TTN: variants seen among roughly 807,000 people sequenced by gnomAD.
TTN encodes the protein connectin.
A neutral mutation model predicts 3,223.0 loss-of-function variants in TTN; 1,525 were observed. The observed-to-expected ratio is 0.47, with a 90% CI of 0.45 to 0.49. TTN has a LOEUF of 0.49. Among genes scored for constraint, TTN ranks in the 20% least tolerant of loss-of-function variants. TTN has a pLI of 0.00. For synonymous variants in TTN, 14,094 were observed against 15,161.0 expected, an observed-to-expected ratio of 0.93 and a Z score of 5.17; for missense variants, 40,786 against 43,424.0, an observed-to-expected ratio of 0.94 and a Z score of 5.40.
At chr2:178,713,805 C>T (rs1454022191) in intron 92 of TTN, 92 bp downstream of exon 92, 4 of 1,459,852 alleles carry the variant, frequency 2.7e-6, no homozygotes, top group Non-Finnish European at 3.7e-6. Flanking sequence ...CTCATGTTAT[C>T]CTATAGAAGA....
intron 70 of TTN, 50 bp downstream of exon 70, chr2:178,725,717 AG>A: frequency 1.3e-6 from 2 of 1,548,840 alleles, no homozygotes; most frequent in Non-Finnish European, 1.7e-6. Context: ...TGAAAAAAGT[AG>A]GATTTTGCAC....
In TTN at chr2:178,570,731, T is replaced by C. The variant is rs746343685; in HGVS notation, c.75401A>G (p.Asp25134Gly). ...GGTTGGTATTGGTTTGCCATAAATA[T>C]CTGCATCAACCTTGAATGATTCACC... ...HAGESFKVDA[D>G]IYGKPIPTIQ... The change falls in exon 326 of 363, where the codon GAT becomes GGT. Residue 25134 changes from aspartate to glycine, a missense_variant. Asp to Gly is a moderately conservative substitution (Grantham distance 94, BLOSUM62 -1). Transcript: ENST00000589042. 1.2e-6 allele frequency: 2 copies of C among 1,613,478 alleles called. No individual in the cohort carries two copies. The highest frequency in any genetic ancestry group is 1.7e-6 in the Non-Finnish European group (2 of 1,179,628).
chr2:178,640,557 A>T lies in TTN; in HGVS notation c.40707T>A (p.Ile13569=). 1 of 1,603,466 alleles carries T rather than the reference A, an allele frequency of 6.2e-7. No individual in the cohort carries two copies. The change falls in exon 221 of 363, where the codon ATT becomes ATA. Residue 13569 remains isoleucine, a synonymous_variant. Transcript: ENST00000589042. The stretch of plus-strand genomic sequence containing the variant: ...GATTTGTACCTTTTGTTGGTTCAGG[A>T]ATCTTCCTTTCCCTTTTTGTAACAG... The part of the protein sequence containing the change: ...VPTVTKRERK[I]PEPTKVPEIK...
rs1282203680 is a variant in TTN, at chr2:178,741,272, A to AATG, written c.11958_11960dup (p.Ile3987dup). 6.2e-7 allele frequency: 1 copy of AATG among 1,613,870 alleles called. No individual in the cohort carries two copies. Among genetic ancestry groups the AATG allele is most frequent in the Admixed American group, 1.7e-5 (1 of 59,994 alleles). ...AAGTTCCAGAGCCATTAGGGTTATG[A>AATG]ATGATAGTGTAATAAACACTGGTGC... On this transcript the variant is annotated inframe_insertion, in exon 48 of 363. Transcript: ENST00000589042.
Position 178,704,937 on chromosome 2 carries a change from C to T in TTN, c.29634G>A (p.Arg9878=), listed in dbSNP as rs2154291420. 4 of 1,612,764 alleles carry T rather than the reference C, an allele frequency of 2.5e-6. No individual in the cohort carries two copies. Among genetic ancestry groups the T allele is most frequent in the Non-Finnish European group, 3.4e-6 (4 of 1,179,746 alleles). The change falls in exon 104 of 363, where the codon AGG becomes AGA. Residue 9878 remains arginine (R), a synonymous_variant. Coordinates refer to ENST00000589042, the MANE Select transcript of TTN (RefSeq NM_001267550.2). ...CAAGTTCCTCAAATTCCTTTTCGTC[C>T]CTCTCTGACCTCTCTATTTCCTCAA... is the stretch of plus-strand genomic sequence containing the variant. The part of the protein sequence containing the change: ...LEIEEIERSE[R]DEKEFEELVS...
At chr2:178,790,978 G>T in intron 10 of TTN, 133 bp from the exon 11 acceptor site, 1 of 1,118,118 alleles carries the variant, frequency 8.9e-7, no homozygotes, top group South Asian at 1.4e-5. Flanking sequence ...CATTTCAGGG[G>T]CCTACACTTG....
rs556000493 is a variant in TTN, at chr2:178,773,206, T to C, written c.7758A>G (p.Ile2586Met). The change falls in exon 33 of 363, where the codon ATA becomes ATG. Residue 2586 changes from isoleucine (I) to methionine (M), a missense_variant. Ile to Met is a conservative substitution (Grantham distance 10). Coordinates refer to ENST00000589042, the MANE Select transcript of TTN (RefSeq NM_001267550.2). ...TCATATTTAGAACTGTCAATTTATA[T>C]ATTTTTCCATGTGCTTCAATTTTAT... is the stretch of plus-strand genomic sequence containing the variant. ...SKYKIEAHGK[I>M]YKLTVLNMMK... 1.3e-4 allele frequency: 202 copies of C among 1,613,814 alleles called. No individual in the cohort carries two copies. In the South Asian group the frequency reaches 2.0e-3, roughly 16 times the overall value.
chr2:178,744,874 T>A (rs928527167), intron 47 of TTN: 1 of 985,092 alleles, frequency 1.0e-6, no homozygotes, highest in African/African-American at 1.7e-5. Flanking sequence ...TCTATTTGCT[T>A]ATTTTGCAAA....
At chr2:178,641,434 C>A (rs2061221315) in intron 219 of TTN, 119 bp from the exon 220 acceptor site, 1 of 589,616 alleles carries the variant, frequency 1.7e-6, no homozygotes, top group Non-Finnish European at 2.9e-6. Context: ...TGCTACCTAG[C>A]ACTCTGGAAA....
chr2:178,690,548 A>G (rs1178974874), intron 121 of TTN, among the ~76,000 whole-genome samples: 1 of 152,142 alleles, frequency 6.6e-6, no homozygotes, highest in East Asian at 1.9e-4. Flanking sequence ...AGGGTTTTCA[A>G]CCTAAAAAAT....
intron 47 of TTN, chr2:178,749,988 G>A: frequency 1.2e-6 from 2 of 1,613,162 alleles, no homozygotes; most frequent in South Asian, 1.1e-5. Context: ...TGAGTAACTT[G>A]ATCTTGAGGC....
rs769798880 is a variant in TTN at position 178,776,784 on chromosome 2, G to A, written c.5080C>T (p.Leu1694Phe). The change falls in exon 28 of 363, where the codon CTC becomes TTC. Residue 1694 changes from leucine to phenylalanine, a missense_variant. By Grantham distance (22) the Leu-to-Phe change is conservative. Coordinates refer to ENST00000589042, the MANE Select transcript of TTN (RefSeq NM_001267550.2). ...YGQEQWEEGDLYDKEKQQKPF... is the reference protein window; with the variant it reads ...YGQEQWEEGDFYDKEKQQKPF... ...TTCTGTTGTTTCTCTTTGTCATAGAGATCACCTTCTTCCCATTGCTCTTGG... is the reference window on the plus strand; with the variant it reads ...TTCTGTTGTTTCTCTTTGTCATAGAAATCACCTTCTTCCCATTGCTCTTGG... The A allele has an allele frequency of 1.7e-5, 28 of 1,614,000 alleles. No individual in the cohort carries two copies. The highest frequency in any genetic ancestry group is 2.3e-5 in the Non-Finnish European group (27 of 1,180,014).
In TTN at chr2:178,804,545, A is replaced by T. The variant is rs759229371; in HGVS notation, c.91+7T>A. ...AAAAAAACAAAAGTGTGAATGTGTG[A>T]GCTTACCACTAATGTGAGCCTCAAA... On this transcript the variant is annotated splice_region_variant and intron_variant, in intron 2 of 362. Coordinates refer to ENST00000589042, the MANE Select transcript of TTN (RefSeq NM_001267550.2). 6.2e-7 allele frequency: 1 copy of T among 1,613,668 alleles called. No homozygotes were observed.
At chr2:178,586,945 A>G (rs2049130912) in intron 307 of TTN, 138 bp from the exon 308 acceptor site, 1 of 1,357,314 alleles carries the variant, frequency 7.4e-7, no homozygotes, top group Non-Finnish European at 1.0e-6. Context: ...AGCAAAACAT[A>G]TAAGATGAGA....
rs376015894 is a variant in TTN, at chr2:178,795,068, A to G, written c.1099T>C (p.Ser367Pro). Residue 367 changes from serine to proline, a missense_variant, in exon 7 of 363, where the codon TCT (serine) becomes CCT (proline). Ser to Pro is a moderately conservative substitution (Grantham distance 74, BLOSUM62 -1). Coordinates refer to ENST00000589042, the MANE Select transcript of TTN (RefSeq NM_001267550.2). Reference protein sequence around the residue: ...AEMRETTLTTSTQIRTEERWE... With the variant: ...AEMRETTLTTPTQIRTEERWE... ...CTCTCTTCTGTCCTGATCTGAGTAG[A>G]GGTTGTCAGCGTTGTCTCTCTCATC... 30 of 1,613,892 alleles carry G rather than the reference A, an allele frequency of 1.9e-5. No individual in the cohort carries two copies. Among genetic ancestry groups the G allele is most frequent in the South Asian group, 6.6e-5 (6 of 91,084 alleles).
rs1417172594 is a variant in TTN at position 178,734,415 on chromosome 2, A to G, written c.15409T>C (p.Phe5137Leu). The G allele has an allele frequency of 1.2e-6, 2 of 1,613,614 alleles. No individual in the cohort carries two copies. The highest frequency in any genetic ancestry group is 2.7e-5 in the African/African-American group (2 of 74,902). ...KSLVCLEIFS[F>L]NSADVGEYEC... Reference sequence around the variant, plus strand: ...TATTCACCAACATCTGCACTATTAAACGAAAAGATCTCCAGACACACAAGA... The same window carrying G: ...TATTCACCAACATCTGCACTATTAAGCGAAAAGATCTCCAGACACACAAGA... Residue 5137 changes from phenylalanine to leucine, a missense_variant, in exon 52 of 363, where the codon TTT becomes CTT. Physicochemically the swap from Phe to Leu is conservative, Grantham distance 22. Coordinates refer to ENST00000589042, the MANE Select transcript of TTN (RefSeq NM_001267550.2).
In TTN at chr2:178,565,817, A is replaced by G; in HGVS notation, c.80315T>C (p.Val26772Ala). 2 of 1,613,640 alleles carry G rather than the reference A, an allele frequency of 1.2e-6. No homozygotes were observed. The highest frequency in any genetic ancestry group is 1.7e-6 in the Non-Finnish European group (2 of 1,179,656). ...EFGVGVPVET[V>A]DAVKAAEPPS... is the part of the protein sequence containing the mutation. Reference sequence around the variant, plus strand: ...AGGTTCAGCAGCTTTCACGGCATCAACAGTTTCCACTGGAACACCAACTCC... The same window carrying G: ...AGGTTCAGCAGCTTTCACGGCATCAGCAGTTTCCACTGGAACACCAACTCC... The change falls in exon 326 of 363, where the codon GTT becomes GCT. Residue 26772 changes from valine (V) to alanine (A), a missense_variant. Physicochemically the swap from Val to Ala is moderately conservative, Grantham distance 64. Coordinates refer to ENST00000589042, the MANE Select transcript of TTN (RefSeq NM_001267550.2).
At position 178,794,555 on chromosome 2, in the gene TTN, G is replaced by A. The variant is rs1411480642; in HGVS notation, c.1246-4C>T. The A allele has an allele frequency of 2.2e-5, 35 of 1,614,016 alleles. No homozygotes were observed. Among genetic ancestry groups the A allele is most frequent in the Non-Finnish European group, 2.9e-5 (34 of 1,179,998 alleles). ...TTTTGTCAGCATCTTGTTTCACCTA[G>A]ATTAGAAATGACCAAGTAGATTACT... On this transcript the variant is annotated splice_polypyrimidine_tract_variant and splice_region_variant and intron_variant, in intron 7 of 362. Coordinates refer to ENST00000589042, the MANE Select transcript of TTN (RefSeq NM_001267550.2).
In TTN at chr2:178,557,123, A is replaced by G. The variant is rs762659029; in HGVS notation, c.88031T>C (p.Ile29344Thr). 3 of 1,613,560 alleles carry G rather than the reference A, an allele frequency of 1.9e-6. No homozygotes were observed. In the African/African-American group the frequency reaches 4.0e-5, roughly 22 times the overall value. Residue 29344 changes from isoleucine (I) to threonine (T), a missense_variant, in exon 330 of 363, where the codon ATC (isoleucine) becomes ACC (threonine). Ile to Thr is a moderately conservative substitution (Grantham distance 89). Coordinates refer to ENST00000589042, the MANE Select transcript of TTN (RefSeq NM_001267550.2). Reference sequence around the variant, plus strand: ...GACAGAGTTCTTTGAAATATCAGTGATACGAACATTTCTTGGGGGTTCTGT... The same window carrying G: ...GACAGAGTTCTTTGAAATATCAGTGGTACGAACATTTCTTGGGGGTTCTGT... ...DACEPPRNVR[I>T]TDISKNSVSL...
Sources: allele counts gnomAD v4.1 joint callset (sites outside exome capture counted in the v4.1 genomes callset), GRCh38; gene constraint gnomAD v4.1.1; transcripts MANE v1.5; gene names NCBI Gene and HGNC (gene_info 2026-07-23, HGNC 2026-07-21).